SERPINB8: variants seen among roughly 807,000 people sequenced by gnomAD.
The protein encoded by SERPINB8 is serpin B8.
Under a neutral mutation model 35.3 loss-of-function variants are expected in SERPINB8, and 25 were observed. The ratio of observed to expected loss-of-function variants is 0.71; its 90% CI spans 0.52 to 0.99. SERPINB8 has a LOEUF of 0.99. SERPINB8 is among the 50% of genes least tolerant of loss of function. The probability of loss-of-function intolerance (pLI) is 0.00; values close to 1 mark genes in which losing one functional copy is unlikely to be tolerated. For missense variants in SERPINB8, 484 were observed against 446.5 expected (o/e 1.08, Z -0.76); for synonymous variants, 186 against 160.8 (o/e 1.16, Z -1.19).
downstream of SERPINB8, among the ~76,000 whole-genome samples, chr18:63,990,881 A>T (rs1364203775): frequency 6.6e-6 from 1 of 152,162 alleles, no homozygotes; most frequent in Non-Finnish European, 1.5e-5. Context: ...AGTCACAAGG[A>T]TCTCCTATGT....
chr18:63,972,710 G>C (rs942188102), intron 1 of SERPINB8, among the ~76,000 whole-genome samples: 10 of 123,082 alleles, frequency 8.1e-5, no homozygotes, highest in Non-Finnish European at 1.6e-4. Flanking sequence ...TCATTGTTCA[G>C]TTCCCACCTA....
chr18:64,012,128 T>A (rs976761873), intron 7 of SERPINB8, among the ~76,000 whole-genome samples: 10 of 152,164 alleles, frequency 6.6e-5, no homozygotes, highest in Non-Finnish European at 1.0e-4. Flanking sequence ...ATATTTAATT[T>A]TATATATGAT....
intron 1 of SERPINB8, among the ~76,000 whole-genome samples, chr18:63,977,224 T>G (rs891020616): frequency 6.6e-6 from 1 of 152,150 alleles, no homozygotes; most frequent in Non-Finnish European, 1.5e-5. Context: ...TTACTAAACC[T>G]CACTCAGTCT....
At chr18:64,012,550 C>A (rs958885480) in intron 7 of SERPINB8, among the ~76,000 whole-genome samples, 29 of 144,956 alleles carry the variant, frequency 2.0e-4, no homozygotes, top group African/African-American at 7.4e-4. Flanking sequence ...TTGGTTATTC[C>A]TTTTTAATAT....
intron 1 of SERPINB8, among the ~76,000 whole-genome samples, chr18:64,004,423 G>T (rs1187037334): frequency 6.6e-6 from 1 of 152,064 alleles, no homozygotes; most frequent in East Asian, 1.9e-4. Context: ...GAAATTTATG[G>T]CAATTAAATA....
At chr18:63,982,122 T>C (rs2050682008) in intron 4 of SERPINB8, among the ~76,000 whole-genome samples, 1 of 152,210 alleles carries the variant, frequency 6.6e-6, no homozygotes, top group Non-Finnish European at 1.5e-5. Flanking sequence ...TAATCTTCTA[T>C]CTGAGAGGCC....
At chr18:63,993,715 T>A (rs568518186), downstream of SERPINB8, among the ~76,000 whole-genome samples, 21 of 152,314 alleles carry the variant, frequency 1.4e-4, no homozygotes, top group African/African-American at 4.3e-4. Context: ...TGTGATCCCA[T>A]AGGCCTGACC....
At chr18:63,986,805 A>G in intron 6 of SERPINB8, 69 bp from the exon 7 acceptor site, 1 of 1,445,252 alleles carries the variant, frequency 6.9e-7, no homozygotes, top group Non-Finnish European at 9.3e-7. Flanking sequence ...GGGGAGGGGT[A>G]ATAAATGGGT....
At chr18:63,989,400 A>C (rs922900996), downstream of SERPINB8, 3 of 152,262 alleles carry the variant, frequency 2.0e-5, no homozygotes, top group Middle Eastern at 3.4e-3. Flanking sequence ...ATATGTCTTC[A>C]TTTCTTTTGT....
At chr18:63,986,727 G>T (rs2050760783) in intron 6 of SERPINB8, 147 bp from the exon 7 acceptor site, 3 of 1,404,732 alleles carry the variant, frequency 2.1e-6, no homozygotes, top group African/African-American at 1.4e-5. Flanking sequence ...AAATCTTGGT[G>T]TGTTTATAAA....
At chr18:64,001,814 A>G (rs1397884594) in intron 1 of SERPINB8, among the ~76,000 whole-genome samples, 1 of 152,062 alleles carries the variant, frequency 6.6e-6, no homozygotes, top group Non-Finnish European at 1.5e-5. Context: ...TGTACCCTAG[A>G]CACCTGCTTG....
At chr18:64,014,371 T>C (rs2050939893) in intron 7 of SERPINB8, among the ~76,000 whole-genome samples, 1 of 152,164 alleles carries the variant, frequency 6.6e-6, no homozygotes, top group Non-Finnish European at 1.5e-5. Flanking sequence ...AAGGGTTCCA[T>C]TTTGAACCTG....
At chr18:63,998,221 T>C (rs1002766169) in intron 1 of SERPINB8, among the ~76,000 whole-genome samples, 3 of 152,250 alleles carry the variant, frequency 2.0e-5, no homozygotes, top group Admixed American at 6.5e-5. Flanking sequence ...CTAAATGTAG[T>C]TGATGAGTTC....
intron 5 of SERPINB8, 64 bp downstream of exon 5, chr18:63,983,785 T>C: frequency 8.9e-7 from 1 of 1,119,728 alleles, no homozygotes; most frequent in Non-Finnish European, 1.3e-6. Flanking sequence ...AAATATTCTC[T>C]TGGAAAAATG....
intron 7 of SERPINB8, among the ~76,000 whole-genome samples, chr18:64,015,774 A>C (rs766227152): frequency 2.0e-5 from 3 of 152,070 alleles, no homozygotes; most frequent in Non-Finnish European, 4.4e-5. Context: ...TTCTTTCCTC[A>C]TTTGGGGCCT....
intron 2 of SERPINB8, 30 bp downstream of exon 2, chr18:63,978,506 A>G (rs1293871493): frequency 1.9e-6 from 3 of 1,611,252 alleles, no homozygotes; most frequent in African/African-American, 1.3e-5. Flanking sequence ...AGGAAGGAGA[A>G]CAGTGTGTTT....
intron 1 of SERPINB8, among the ~76,000 whole-genome samples, chr18:63,972,568 A>G (rs1315332699): frequency 2.0e-5 from 3 of 152,146 alleles, no homozygotes; most frequent in African/African-American, 7.2e-5. Flanking sequence ...TACATGAGCC[A>G]TGTTGGTTTG....
chr18:63,981,401 T>C (rs2050669077), intron 3 of SERPINB8, among the ~76,000 whole-genome samples: 1 of 152,206 alleles, frequency 6.6e-6, no homozygotes, highest in Non-Finnish European at 1.5e-5. Flanking sequence ...GGAAGCAATA[T>C]TAAAGTCAGT....
In SERPINB8 at chr18:64,001,791, C is replaced by G. The variant is rs146962249; in HGVS notation, c.71-3028C>G. On this transcript the variant is annotated intron_variant, in intron 1 of 1. Transcript: ENST00000493661. ...CGTGAGCCACCGCGCCCGACCCGTG[C>G]TTTCTCAACTTTTGTACCCTAGACA... 1.2e-4 allele frequency among the ~76,000 whole-genome samples: 18 copies of G among 152,252 alleles called. No homozygotes were observed. In the East Asian group the frequency reaches 3.5e-3, roughly 29 times the overall value.
Sources: allele counts gnomAD v4.1 joint callset (sites outside exome capture counted in the v4.1 genomes callset), GRCh38; gene constraint gnomAD v4.1.1; transcripts MANE v1.5; gene names NCBI Gene and HGNC (gene_info 2026-07-23, HGNC 2026-07-21).